The following PRKG1 variants were observed in gnomAD, a reference collection of about 807,000 sequenced individuals.
PRKG1 encodes the protein protein kinase cGMP-dependent 1, also known as cGMP-dependent protein kinase 1.
Under a neutral mutation model 88.1 loss-of-function variants are expected in PRKG1, and 35 were observed. The observed-to-expected ratio is 0.40, with a 90% CI of 0.30 to 0.53. The LOEUF (loss-of-function observed/expected upper bound fraction) is 0.53. Among genes scored for constraint, PRKG1 ranks in the 20% least tolerant of loss-of-function variants. The pLI is 0.59. For missense variants in PRKG1, 540 were observed against 839.8 expected, an observed-to-expected ratio of 0.64 and a Z score of 4.41; for synonymous variants, 303 against 292.5, an observed-to-expected ratio of 1.04 and a Z score of -0.37.
chr10:51,505,014 T>G, intron 3 of PRKG1, among the ~76,000 whole-genome samples: 1 of 151,812 alleles, frequency 6.6e-6, no homozygotes, highest in East Asian at 1.9e-4. Context: ...CTATGTTGAA[T>G]AGGAGTGGTG....
intron 2 of PRKG1, among the ~76,000 whole-genome samples, chr10:51,418,407 C>G (rs1420410263): frequency 6.6e-6 from 1 of 152,098 alleles, no homozygotes; most frequent in African/African-American, 2.4e-5. Flanking sequence ...TATAATTGAG[C>G]CTATGGGCAG....
chr10:51,544,913 G>T (rs10762196), intron 3 of PRKG1, among the ~76,000 whole-genome samples: 113,595 of 151,932 alleles, frequency 0.75, 43,022 homozygotes, highest in East Asian at 0.98. Context: ...CATTTATGCA[G>T]CCAACAGACA....
At chr10:51,029,106 T>C (rs972140192) in intron 1 of PRKG1, among the ~76,000 whole-genome samples, 2 of 152,146 alleles carry the variant, frequency 1.3e-5, no homozygotes, top group African/African-American at 4.8e-5. Flanking sequence ...AAATTTGCAG[T>C]GTAAGGTTAC....
Position 50,991,564 on chromosome 10 carries a change from G to A in PRKG1, c.186G>A (p.Gln62=), listed in dbSNP as rs1198959193. 3 of 1,606,146 alleles carry A rather than the reference G, an allele frequency of 1.9e-6. No individual in the cohort carries two copies. The highest frequency in any genetic ancestry group is 1.7e-6 in the Non-Finnish European group (2 of 1,177,288). Residue 62 remains glutamine (Q), a synonymous_variant, in exon 1 of 18, where the codon CAG becomes CAA. Coordinates refer to the PRKG1 transcript ENST00000401604. This position sits in a 1 kb window ranked among gnomAD's most constrained non-coding sequence, Gnocchi z 4.5. Reference sequence around the variant, plus strand: ...TCGGCCCCCGGACCACCCGGGCGCAGGGCATCTCGGCCGAGCCGCAGACGT... The same window carrying A: ...TCGGCCCCCGGACCACCCGGGCGCAAGGCATCTCGGCCGAGCCGCAGACGT...
intron 5 of PRKG1, among the ~76,000 whole-genome samples, chr10:51,954,324 C>T (rs1157899891): frequency 6.6e-6 from 1 of 152,044 alleles, no homozygotes; most frequent in Non-Finnish European, 1.5e-5. Context: ...GCAGTCTTTG[C>T]TTTTCTGATT....
intron 2 of PRKG1, among the ~76,000 whole-genome samples, chr10:51,329,038 A>G (rs1007296073): frequency 4.6e-5 from 7 of 151,924 alleles, no homozygotes; most frequent in East Asian, 1.9e-4. Flanking sequence ...CACACTGTTG[A>G]TTATTTCTTT....
chr10:52,177,981 G>A (rs1176654392), intron 9 of PRKG1, among the ~76,000 whole-genome samples: 1 of 146,312 alleles, frequency 6.8e-6, no homozygotes, highest in Non-Finnish European at 1.5e-5. Flanking sequence ...TTTTTTTTTG[G>A]TCTCAATGTT....
chr10:52,238,362 C>CT (rs1431823052), intron 9 of PRKG1, among the ~76,000 whole-genome samples: 1 of 142,862 alleles, frequency 7.0e-6, no homozygotes, highest in Non-Finnish European at 1.5e-5. Context: ...GCAAAAGAAA[C>CT]TACCATCAGA....
chr10:51,042,271 A>AATATGCTT (rs1843434441), intron 1 of PRKG1, among the ~76,000 whole-genome samples: 1 of 152,226 alleles, frequency 6.6e-6, no homozygotes, highest in African/African-American at 2.4e-5. Flanking sequence ...ACGCAGTAAA[A>AATATGCTT]ATATGCTTAC....
At chr10:51,923,568 G>GTTTTTTT (rs1842508391) in intron 5 of PRKG1, among the ~76,000 whole-genome samples, 1 of 141,104 alleles carries the variant, frequency 7.1e-6, no homozygotes. Context: ...ACATTTTTTA[G>GTTTTTTT]TGGTTGCCCT....
At chr10:51,176,184 T>C (rs899981709) in intron 2 of PRKG1, among the ~76,000 whole-genome samples, 2 of 152,136 alleles carry the variant, frequency 1.3e-5, no homozygotes, top group African/African-American at 4.8e-5. Context: ...TATTACATTA[T>C]CTCATTAAAT....
chr10:51,216,111 G>C (rs1457964767), intron 2 of PRKG1, among the ~76,000 whole-genome samples: 8 of 152,290 alleles, frequency 5.3e-5, no homozygotes, highest in African/African-American at 1.9e-4. Context: ...ATAGGACCTG[G>C]CCCACAGGAG....
chr10:51,607,562 A>G (rs2132237601), intron 3 of PRKG1, among the ~76,000 whole-genome samples: 1 of 152,266 alleles, frequency 6.6e-6, no homozygotes, highest in Non-Finnish European at 1.5e-5. Flanking sequence ...CCCATGTCCC[A>G]ACTTTCTGTT....
chr10:52,188,318 G>GTA (rs1367876781), intron 9 of PRKG1, among the ~76,000 whole-genome samples: 3 of 93,724 alleles, frequency 3.2e-5, no homozygotes, highest in Non-Finnish European at 5.9e-5. Context: ...ATATACATAT[G>GTA]TATATATATA....
At chr10:51,228,017 G>T (rs1838738989) in intron 2 of PRKG1, among the ~76,000 whole-genome samples, 1 of 152,048 alleles carries the variant, frequency 6.6e-6, no homozygotes, top group African/African-American at 2.4e-5. Flanking sequence ...TTTTGGAGGG[G>T]GTGGGGAGAA....
intron 5 of PRKG1, among the ~76,000 whole-genome samples, chr10:52,025,793 C>A (rs775950995): frequency 2.0e-5 from 3 of 151,380 alleles, no homozygotes; most frequent in Admixed American, 6.6e-5. Flanking sequence ...ATTGGCAATG[C>A]GGGCTCTTTT....
chr10:51,473,292 C>G (rs1840100325), intron 3 of PRKG1, among the ~76,000 whole-genome samples: 1 of 151,734 alleles, frequency 6.6e-6, no homozygotes, highest in Admixed American at 6.6e-5. Flanking sequence ...ATACAAAAGC[C>G]ATGTTTTAAT....
intron 2 of PRKG1, among the ~76,000 whole-genome samples, chr10:51,394,527 C>G (rs1312489676): frequency 2.0e-5 from 3 of 152,194 alleles, no homozygotes; most frequent in African/African-American, 7.2e-5. Flanking sequence ...TTTTAAGAGG[C>G]AGGAGGGGAA....
At chr10:51,250,875 C>T (rs56307542) in intron 2 of PRKG1, among the ~76,000 whole-genome samples, 13 of 151,864 alleles carry the variant, frequency 8.6e-5, no homozygotes, top group African/African-American at 4.8e-5. Context: ...TCCAGCCCTA[C>T]ACCCTGTGTT....
Sources: allele counts gnomAD v4.1 joint callset (sites outside exome capture counted in the v4.1 genomes callset), GRCh38; gene constraint gnomAD v4.1.1; non-coding constraint Gnocchi (gnomAD v3.1); transcripts MANE v1.5; gene names NCBI Gene and HGNC (gene_info 2026-07-23, HGNC 2026-07-21).